The following RAVER1 variants were observed in gnomAD, a reference collection of about 807,000 sequenced individuals.
The protein encoded by RAVER1 is ribonucleoprotein, PTB binding 1.
In RAVER1, 36 loss-of-function variants were observed where a neutral mutation model predicts 68.4. The observed-to-expected ratio is 0.53, with a 90% CI of 0.40 to 0.70. The LOEUF is 0.70. Among genes scored for constraint, RAVER1 ranks in the 30% least tolerant of loss-of-function variants. The probability of loss-of-function intolerance (pLI) is 0.00; values close to 1 mark genes in which losing one functional copy is unlikely to be tolerated. For missense variants in RAVER1, 933 were observed against 1,019.8 expected (o/e 0.91, Z 1.16); for synonymous variants, 469 against 472.7 (o/e 0.99, Z 0.10).
At chr19:10,326,341 A>G (rs181526017) in intron 3 of RAVER1, among the ~76,000 whole-genome samples, 1 of 152,398 alleles carries the variant, frequency 6.6e-6, no homozygotes, top group Admixed American at 6.5e-5. Context: ...GGCCTGGTAC[A>G]TAGCAGGCCT....
At chr19:10,321,385 G>A (rs2040437001) in intron 7 of RAVER1, 126 bp from the exon 8 acceptor site, 8 of 806,742 alleles carry the variant, frequency 9.9e-6, no homozygotes, top group Non-Finnish European at 1.4e-5. Context: ...ACTGAGCAGA[G>A]CTCATCCCTG....
Position 10,322,425 on chromosome 19 carries a change from C to G in RAVER1, c.1173+220G>C. 2.0e-6 allele frequency: 1 copy of G among 506,672 alleles called. No individual in the cohort carries two copies. Among genetic ancestry groups the G allele is most frequent in the Non-Finnish European group, 3.4e-6 (1 of 291,922 alleles). 31.4% of individuals were successfully genotyped at this position (506,672 alleles called of 1,614,324 possible). On this transcript the variant is annotated intron_variant, in intron 6 of 12. Transcript: ENST00000617231. The surrounding 1 kb of genome is among the most constrained non-coding windows in gnomAD (Gnocchi z 4.3). ...CCCAGGCACCAAGTCCAGGGGCGCT[C>G]TCAGAATGGAGGGAAAGATGGCGAA...
Position 10,323,451 on chromosome 19 carries a change from T to C in RAVER1, c.872A>G (p.His291Arg), listed in dbSNP as rs1028155680. Residue 291 changes from histidine to arginine, a missense_variant, in exon 4 of 13, where the codon CAC (histidine) becomes CGC (arginine). Around this residue, in one of 3 missense-constraint regions of RAVER1, gnomAD observed 699 missense variants for 731.1 expected, o/e 0.96. Transcript: ENST00000617231. This position sits in a 1 kb window ranked among gnomAD's most constrained non-coding sequence, Gnocchi z 6.2. ...QADGLSLGGSHLRVSFCAPGP... is the reference protein window; with the variant it reads ...QADGLSLGGSRLRVSFCAPGP... ...AGGGGCGCAGAAGGAGACTCGCAGGTGGCTGCCCCCCAGGGACAGGCCGTC... is the reference window on the plus strand; with the variant it reads ...AGGGGCGCAGAAGGAGACTCGCAGGCGGCTGCCCCCCAGGGACAGGCCGTC... 1.2e-6 allele frequency: 2 copies of C among 1,609,576 alleles called. No homozygotes were observed. Among genetic ancestry groups the C allele is most frequent in the African/African-American group, 2.7e-5 (2 of 74,874 alleles).
At position 10,328,266 on chromosome 19, in the gene RAVER1, G is replaced by A. The variant is rs1028970154; in HGVS notation, c.756+376C>T. ...GGACAGTGAGGCCTGAGGCTGCAGA[G>A]GGATTCAAATCCCCTGGCCAGGTGT... On this transcript the variant is annotated intron_variant, in intron 3 of 12. Transcript: ENST00000617231. This position sits in a 1 kb window ranked among gnomAD's most constrained non-coding sequence, Gnocchi z 4.4. 2.6e-5 allele frequency among the ~76,000 whole-genome samples: 4 copies of A among 152,152 alleles called. No individual in the cohort carries two copies. The highest frequency in any genetic ancestry group is 9.7e-5 in the African/African-American group (4 of 41,438).
Position 10,328,679 on chromosome 19 carries a change from C to T in RAVER1, c.719G>A (p.Arg240Gln), listed in dbSNP as rs767514491. 8 of 1,587,674 alleles carry T rather than the reference C, an allele frequency of 5.0e-6. No homozygotes were observed. The highest frequency in any genetic ancestry group is 1.1e-5 in the South Asian group (1 of 87,850). Reference sequence around the variant, plus strand: ...GGGGCTGTGGACAGCTGACAGCGCCCGGCACAGAGCGTCCACATCGTTGAA... The same window carrying T: ...GGGGCTGTGGACAGCTGACAGCGCCTGGCACAGAGCGTCCACATCGTTGAA... ...PGFNDVDALC[R>Q]ALSAVHSPTF... Residue 240 changes from arginine to glutamine, a missense_variant, in exon 3 of 13, where the codon CGG becomes CAG. Physicochemically the swap from Arg to Gln is conservative, Grantham distance 43. Transcript: ENST00000617231. This position sits in a 1 kb window ranked among gnomAD's most constrained non-coding sequence, Gnocchi z 4.4.
intron 9 of RAVER1, among the ~76,000 whole-genome samples, chr19:10,320,220 G>A (rs573038454): frequency 6.6e-6 from 1 of 152,042 alleles, no homozygotes; most frequent in Non-Finnish European, 1.5e-5. Context: ...TTAAGGGCAT[G>A]AGGCTGGGCG....
chr19:10,330,084 C>T (rs1326845982), intron 2 of RAVER1, among the ~76,000 whole-genome samples: 11 of 150,266 alleles, frequency 7.3e-5, no homozygotes, highest in African/African-American at 2.7e-4. Context: ...GCTCGCGCCA[C>T]TGCACTCCAG....
chr19:10,323,310 TG>T lies in RAVER1; in HGVS notation c.949-37del. 1 of 1,612,324 alleles carries T rather than the reference TG, an allele frequency of 6.2e-7. No individual in the cohort carries two copies. The highest frequency in any genetic ancestry group is 8.5e-7 in the Non-Finnish European group (1 of 1,179,296). On this transcript the variant is annotated intron_variant, in intron 4 of 12. Coordinates refer to ENST00000617231, the MANE Select transcript of RAVER1 (RefSeq NM_133452.3). The surrounding 1 kb of genome is among the most constrained non-coding windows in gnomAD (Gnocchi z 6.2). ...GAACAGAAGCAGCTCAGAGTGCCGC[TG>T]GGGCCCTGACATCCCCATGGGGCTC...
chr19:10,330,121 CAA>C (rs548215492), intron 2 of RAVER1, among the ~76,000 whole-genome samples: 12 of 85,194 alleles, frequency 1.4e-4, no homozygotes, highest in Admixed American at 1.4e-4. Context: ...GACTCCATCT[CAA>C]AAAAAAAAAA....
Position 10,328,583 on chromosome 19 carries a change from G to C in RAVER1, c.756+59C>G, listed in dbSNP as rs2040490840. Reference sequence around the variant, plus strand: ...AAAAGAAAAGGCAGATGACTCCAAAGACTCTCTCAGGTGCTCCGGGCCTGG... The same window carrying C: ...AAAAGAAAAGGCAGATGACTCCAAACACTCTCTCAGGTGCTCCGGGCCTGG... On this transcript the variant is annotated intron_variant, in intron 3 of 12. Transcript: ENST00000617231. The surrounding 1 kb of genome is among the most constrained non-coding windows in gnomAD (Gnocchi z 4.4). 8.8e-7 allele frequency: 1 copy of C among 1,136,030 alleles called. No individual in the cohort carries two copies. The highest frequency in any genetic ancestry group is 1.2e-6 in the Non-Finnish European group (1 of 801,746). The allele number at this position is 1,136,030 out of a possible 1,614,324, so 70.4% of individuals were successfully genotyped here.
At position 10,333,432 on chromosome 19, in the gene RAVER1, C is replaced by T. The variant is rs2040540315; in HGVS notation, c.76G>A (p.Ala26Thr). ...TCTTCCGGCGCCCGGCGCTCCGCGG[C>T]ATCGCCGGCTTCGACTTCGGCCCCA... ...KSGAEVEAGD[A>T]AERRAPEEEL... Residue 26 changes from alanine to threonine, a missense_variant, in exon 1 of 13, where the codon GCC becomes ACC. Physicochemically the swap from Ala to Thr is moderately conservative, Grantham distance 58. Transcript: ENST00000617231. The surrounding 1 kb of genome is among the most constrained non-coding windows in gnomAD (Gnocchi z 4.2). 6.2e-7 allele frequency: 1 copy of T among 1,613,274 alleles called. No individual in the cohort carries two copies. Among genetic ancestry groups the T allele is most frequent in the African/African-American group, 1.3e-5 (1 of 74,948 alleles).
intron 3 of RAVER1, among the ~76,000 whole-genome samples, chr19:10,324,996 G>A (rs1371055998): frequency 6.6e-6 from 1 of 151,872 alleles, no homozygotes; most frequent in African/African-American, 2.4e-5. Flanking sequence ...GACCAGCCTG[G>A]GCAACATAGG....
At chr19:10,325,464 C>A (rs1052108823) in intron 3 of RAVER1, among the ~76,000 whole-genome samples, 4 of 152,028 alleles carry the variant, frequency 2.6e-5, no homozygotes, top group Non-Finnish European at 5.9e-5. Flanking sequence ...CTCCAGACCT[C>A]GTGATGCACC....
At position 10,320,898 on chromosome 19, in the gene RAVER1, G is replaced by A; in HGVS notation, c.1527C>T (p.Tyr509=). ...CCGGGAGCAGGCTGTGTAGGTTCAG[G>A]TAGGGATTCAGGGGAATCCGGTAGT... is the stretch of plus-strand genomic sequence containing the variant. ...PKDYRIPLNP[Y]LNLHSLLPAS... The change falls in exon 9 of 13, where the codon TAC becomes TAT. Residue 509 remains tyrosine, a synonymous_variant. Transcript: ENST00000617231. The A allele has an allele frequency of 1.3e-6, 2 of 1,513,072 alleles. No homozygotes were observed. Among genetic ancestry groups the A allele is most frequent in the Non-Finnish European group, 1.8e-6 (2 of 1,136,374 alleles). The allele number at this position is 1,513,072 out of a possible 1,614,324, so 93.7% of individuals were successfully genotyped here.
Position 10,323,065 on chromosome 19 carries a change from T to A in RAVER1, c.1078+80A>T, listed in dbSNP as rs888261431. ...GGGGCTCCTGTCACTGCAGCCAAGA[T>A]GAGCAGTTTCGGGAAGTGCCGGGGG... On this transcript the variant is annotated intron_variant, in intron 5 of 12. Coordinates refer to ENST00000617231, the MANE Select transcript of RAVER1 (RefSeq NM_133452.3). The surrounding 1 kb of genome is among the most constrained non-coding windows in gnomAD (Gnocchi z 6.2). 2 of 1,208,208 alleles carry A rather than the reference T, an allele frequency of 1.7e-6. No individual in the cohort carries two copies. The highest frequency in any genetic ancestry group is 3.1e-5 in the African/African-American group (2 of 64,754). The allele number at this position is 1,208,208 out of a possible 1,614,324, so 74.8% of individuals were successfully genotyped here.
Position 10,323,475 on chromosome 19 carries a change from T to C in RAVER1, c.848A>G (p.Asp283Gly), listed in dbSNP as rs2040453732. The change falls in exon 4 of 13, where the codon GAC (aspartate) becomes GGC (glycine). Residue 283 changes from aspartate (D) to glycine (G), a missense_variant. Coordinates refer to ENST00000617231, the MANE Select transcript of RAVER1 (RefSeq NM_133452.3). This position sits in a 1 kb window ranked among gnomAD's most constrained non-coding sequence, Gnocchi z 6.2. ...GTGGCTGCCCCCCAGGGACAGGCCG[T>C]CCGCCTGCTGCTGTGCCTCCTCCGC... The part of the protein sequence containing the change: ...EMAEEAQQQA[D>G]GLSLGGSHLR... The C allele has an allele frequency of 6.2e-7, 1 of 1,609,414 alleles. No homozygotes were observed. Among genetic ancestry groups the C allele is most frequent in the Non-Finnish European group, 8.5e-7 (1 of 1,179,634 alleles).
intron 3 of RAVER1, among the ~76,000 whole-genome samples, chr19:10,324,680 A>G (rs1021573677): frequency 1.3e-5 from 2 of 151,994 alleles, no homozygotes; most frequent in Non-Finnish European, 2.9e-5. Context: ...GCCCGGCCAT[A>G]AACACACCCA....
intron 1 of RAVER1, among the ~76,000 whole-genome samples, chr19:10,331,276 G>T (rs1409363827): frequency 6.8e-6 from 1 of 147,280 alleles, no homozygotes; most frequent in African/African-American, 2.5e-5. Flanking sequence ...CGTGAACCCG[G>T]GAAGCAGAGC....
rs1397390974 is a variant in RAVER1, at chr19:10,322,040, G to A, written c.1174-422C>T. ...CATGGGTGTATGTCTATGTGTGTGT[G>A]TGTCTGTGTGTGTGTGTGCGTGTAT... On this transcript the variant is annotated intron_variant, in intron 6 of 12. Transcript: ENST00000617231. The surrounding 1 kb of genome is among the most constrained non-coding windows in gnomAD (Gnocchi z 4.3). 1 of 163,516 alleles carries A rather than the reference G, an allele frequency of 6.1e-6. No individual in the cohort carries two copies. The highest frequency in any genetic ancestry group is 2.4e-5 in the African/African-American group (1 of 41,868). 10.1% of individuals were successfully genotyped at this position (163,516 alleles called of 1,614,324 possible).
Sources: allele counts gnomAD v4.1 joint callset (sites outside exome capture counted in the v4.1 genomes callset), GRCh38; gene constraint gnomAD v4.1.1; regional missense constraint gnomAD v4.1.1; non-coding constraint Gnocchi (gnomAD v3.1); transcripts MANE v1.5; gene names NCBI Gene and HGNC (gene_info 2026-07-23, HGNC 2026-07-21).